Variants in PI4K2A observed in about 807,000 individuals in gnomAD.
PI4K2A encodes phosphatidylinositol 4-kinase type 2-alpha.
Under a neutral mutation model 55.0 loss-of-function variants are expected in PI4K2A, and 20 were observed. The ratio of observed to expected loss-of-function variants is 0.36; its 90% CI spans 0.26 to 0.53. The LOEUF (loss-of-function observed/expected upper bound fraction) is 0.53. Ranked by LOEUF, PI4K2A falls within the 20% of genes least tolerant of loss-of-function variation. The pLI, the probability that PI4K2A is intolerant of heterozygous loss-of-function variation, is 0.91. For missense variants in PI4K2A, 463 were observed against 637.1 expected, an observed-to-expected ratio of 0.73 and a Z score of 2.94; for synonymous variants, 235 against 258.5, an observed-to-expected ratio of 0.91 and a Z score of 0.87.
Position 97,641,323 on chromosome 10 carries a change from G to C in PI4K2A, c.435+146G>C, listed in dbSNP as rs1193356719. 2.9e-5 allele frequency: 18 copies of C among 618,678 alleles called. No homozygotes were observed. The South Asian group carries it at 3.0e-4, about 10-fold the overall frequency. The allele number at this position is 618,678 out of a possible 1,614,324, so 38.3% of individuals were successfully genotyped here. A position where few individuals can be genotyped will look rare whatever the true frequency, so the allele number is the denominator to read the frequency against. On this transcript the variant is annotated intron_variant, in intron 1 of 8. Coordinates refer to ENST00000370631, the Ensembl canonical transcript of PI4K2A. The stretch of plus-strand genomic sequence containing the variant: ...GATTTAGGGATGCCACTGAGGACTG[G>C]AGCTGGGGACGCTCTGCGGAATGGA...
At chr10:97,667,218 C>A in intron 8 of PI4K2A, 98 bp downstream of exon 8, 1 of 730,010 alleles carries the variant, frequency 1.4e-6, no homozygotes, top group Non-Finnish European at 2.3e-6. Flanking sequence ...ATACCCCCCC[C>A]TTTTTTTTTG....
Position 97,642,239 on chromosome 10 carries a change from C to T in PI4K2A, c.435+1062C>T, listed in dbSNP as rs577206613. Among the ~76,000 whole-genome samples, 6 of 152,052 alleles carry T rather than the reference C, an allele frequency of 3.9e-5. No individual in the cohort carries two copies. In the East Asian group the frequency reaches 5.8e-4, roughly 15 times the overall value. On this transcript the variant is annotated intron_variant, in intron 1 of 8. Coordinates refer to ENST00000370631, the Ensembl canonical transcript of PI4K2A. ...GGGCTGTTACTTGTAGCTCTTGGTT[C>T]GGCTCATTGAATGATCTAGTTATTC...
At chr10:97,655,827 G>A (rs1222931963) in intron 2 of PI4K2A, among the ~76,000 whole-genome samples, 1 of 151,954 alleles carries the variant, frequency 6.6e-6, no homozygotes, top group African/African-American at 2.4e-5. Flanking sequence ...TGCCCACCTC[G>A]GCCTCTCAGA....
intron 1 of PI4K2A, among the ~76,000 whole-genome samples, chr10:97,649,593 C>T (rs1483498355): frequency 1.4e-5 from 2 of 145,822 alleles, no homozygotes; most frequent in African/African-American, 2.5e-5. Flanking sequence ...ATTTCCTTAA[C>T]CTCATTCCAT....
chr10:97,643,832 C>T (rs1304196831), intron 1 of PI4K2A, among the ~76,000 whole-genome samples: 1 of 152,186 alleles, frequency 6.6e-6, no homozygotes, highest in Non-Finnish European at 1.5e-5. Flanking sequence ...TACTATATTC[C>T]TTTAAGTGCT....
intron 8 of PI4K2A, among the ~76,000 whole-genome samples, chr10:97,670,388 T>G (rs2041629094): frequency 6.6e-6 from 1 of 152,236 alleles, no homozygotes; most frequent in South Asian, 2.1e-4. Flanking sequence ...GAATGGGATC[T>G]TCTAGATTCT....
In PI4K2A at chr10:97,665,001, T is replaced by C; in HGVS notation, c.1084+17T>C. On this transcript the variant is annotated intron_variant, in intron 6 of 8. Coordinates refer to ENST00000370631, the Ensembl canonical transcript of PI4K2A. ...GGAGGGCATGTAAGTCTCCAGACAA[T>C]GGTGGTCTGGCTCTTCCCTTGCTCA... 7 of 1,476,558 alleles carry C rather than the reference T, an allele frequency of 4.7e-6. No homozygotes were observed. Among genetic ancestry groups the C allele is most frequent in the Non-Finnish European group, 6.6e-6 (7 of 1,054,894 alleles). 91.5% of individuals were successfully genotyped at this position (1,476,558 alleles called of 1,614,324 possible).
At chr10:97,666,524 C>G in exon 7 of PI4K2A, 1 of 1,613,700 alleles carries the variant, frequency 6.2e-7, no homozygotes, top group Admixed American at 1.7e-5. Context: ...GATATCGGAC[C>G]CTAACTTCGT....
chr10:97,654,385 G>A (rs1437786905), intron 2 of PI4K2A, among the ~76,000 whole-genome samples: 1 of 151,958 alleles, frequency 6.6e-6, no homozygotes, highest in Non-Finnish European at 1.5e-5. Flanking sequence ...ACAGTACCAT[G>A]CACATCCATT....
At chr10:97,642,124 G>A (rs902288927) in intron 1 of PI4K2A, among the ~76,000 whole-genome samples, 1 of 152,166 alleles carries the variant, frequency 6.6e-6, no homozygotes, top group African/African-American at 2.4e-5. Context: ...GGGTGTCAAA[G>A]TTTCCTCAGA....
intron 6 of PI4K2A, among the ~76,000 whole-genome samples, chr10:97,666,112 A>G (rs1188130275): frequency 6.6e-6 from 1 of 152,160 alleles, no homozygotes; most frequent in Non-Finnish European, 1.5e-5. Context: ...GGGAGTCAGT[A>G]GCCCCTTTTG....
Position 97,640,779 on chromosome 10 carries a change from GC to G in PI4K2A, c.40del (p.Gln14AsnfsTer200). On this transcript the variant is annotated frameshift_variant, in exon 1 of 9. Transcript: ENST00000370631. LOFTEE classifies it high-confidence loss of function. ...GAGCCCACTAGTGTCCCCCGAGCGG[GC>G]CCAACCCCCGGACTACACCTTCCCG... 6.6e-7 allele frequency: 1 copy of G among 1,512,298 alleles called. No individual in the cohort carries two copies. The highest frequency in any genetic ancestry group is 8.8e-7 in the Non-Finnish European group (1 of 1,130,046). The allele number at this position is 1,512,298 out of a possible 1,614,324, so 93.7% of individuals were successfully genotyped here.
chr10:97,653,541 A>G (rs1188103391), intron 2 of PI4K2A, among the ~76,000 whole-genome samples: 1 of 152,088 alleles, frequency 6.6e-6, no homozygotes, highest in African/African-American at 2.4e-5. Context: ...TTTCGTCCCT[A>G]TCTTTGGTCT....
At chr10:97,671,129 C>G (rs2041632962) in intron 8 of PI4K2A, among the ~76,000 whole-genome samples, 1 of 147,138 alleles carries the variant, frequency 6.8e-6, no homozygotes, top group African/African-American at 2.5e-5. Context: ...AAGAGCGAAA[C>G]TCCGTCTCAG....
At chr10:97,667,001 A>C in intron 7 of PI4K2A, 60 bp from the exon 8 acceptor site, 1 of 1,340,158 alleles carries the variant, frequency 7.5e-7, no homozygotes, top group Non-Finnish European at 1.1e-6. Context: ...ACTGGGGGAG[A>C]AAATGGGTTC....
rs1246573626 is a variant in PI4K2A, at chr10:97,656,397, G to A, written c.749G>A (p.Arg250His). The A allele has an allele frequency of 6.2e-7, 1 of 1,613,944 alleles. No individual in the cohort carries two copies. Among genetic ancestry groups the A allele is most frequent in the Non-Finnish European group, 8.5e-7 (1 of 1,179,906 alleles). Residue 250 changes from arginine to histidine, a missense_variant, in exon 3 of 9, where the codon CGC becomes CAC. Arg to His is a conservative substitution (Grantham distance 29, BLOSUM62 0). Around this residue, in one of 2 missense-constraint regions of PI4K2A, gnomAD observed 277 missense variants for 432.6 expected, o/e 0.64. Coordinates refer to ENST00000370631, the Ensembl canonical transcript of PI4K2A. The surrounding 1 kb of genome is among the most constrained non-coding windows in gnomAD (Gnocchi z 4.5). ...CCAAAAGTTGGACAGCGGTTTAACC[G>A]CATCGGGCTACCACCAAAGGTATAG...
At chr10:97,662,807 G>T in intron 4 of PI4K2A, 100 bp from the exon 5 acceptor site, 1 of 786,306 alleles carries the variant, frequency 1.3e-6, no homozygotes, top group Non-Finnish European at 2.3e-6. Flanking sequence ...GTCATTCTCA[G>T]TAGAAGCGTT....
intron 4 of PI4K2A, among the ~76,000 whole-genome samples, chr10:97,659,665 A>G (rs2041571319): frequency 6.6e-6 from 1 of 152,020 alleles, no homozygotes; most frequent in Middle Eastern, 3.4e-3. Flanking sequence ...CCCTCAAGCT[A>G]TTTGCAAGCT....
At chr10:97,640,857 G>A in exon 1 of PI4K2A, 1 of 1,336,418 alleles carries the variant, frequency 7.5e-7, no homozygotes, top group South Asian at 2.1e-5. Context: ...GGTCCGAGTG[G>A]CGGCGGCGGC....
Sources: gnomAD v4.1 joint callset for allele counts (sites outside exome capture counted in the v4.1 genomes callset) on GRCh38, gnomAD v4.1.1 for gene constraint, gnomAD v4.1.1 regional missense constraint, Gnocchi (gnomAD v3.1) non-coding constraint, MANE v1.5 for transcripts, NCBI Gene and HGNC (gene_info 2026-07-23, HGNC 2026-07-21) for gene names.